The following CEP192 variants were observed in gnomAD, a reference collection of about 807,000 sequenced individuals.
The protein encoded by CEP192 is centrosomal protein of 192 kDa.
A neutral mutation model predicts 271.8 loss-of-function variants in CEP192; 151 were observed. The observed-to-expected ratio is 0.56, with a 90% confidence interval of 0.49 to 0.64. The LOEUF is 0.64. Ranked by LOEUF, CEP192 falls within the 30% of genes least tolerant of loss-of-function variation. The pLI is 0.00. For missense variants in CEP192, 2,910 were observed against 3,020.5 expected (o/e 0.96, Z 0.86); for synonymous variants, 995 against 1,076.5 (o/e 0.92, Z 1.48).
chr18:13,034,189 G>A (rs888394348), intron 11 of CEP192, among the ~76,000 whole-genome samples: 3 of 152,170 alleles, frequency 2.0e-5, no homozygotes, highest in Non-Finnish European at 4.4e-5. Context: ...CTTAGGGAAT[G>A]AATACTAGTC....
intron 9 of CEP192, among the ~76,000 whole-genome samples, chr18:13,021,302 A>G (rs944374346): frequency 6.6e-6 from 1 of 152,200 alleles, no homozygotes; most frequent in African/African-American, 2.4e-5. Context: ...AGTGTTAGGT[A>G]AGGGTCTAAC....
At position 13,073,120 on chromosome 18, in the gene CEP192, T is replaced by C; in HGVS notation, c.5551T>C (p.Cys1851Arg). The C allele has an allele frequency of 6.2e-7, 1 of 1,613,870 alleles. No individual in the cohort carries two copies. Among genetic ancestry groups the C allele is most frequent in the Non-Finnish European group, 8.5e-7 (1 of 1,179,918 alleles). The change falls in exon 30 of 45, where the codon TGC (cysteine) becomes CGC (arginine). Residue 1851 changes from cysteine to arginine, a missense_variant. Transcript: ENST00000506447. ...SVLFAPTRLS[C>R]MLARLEIKQL... Reference sequence around the variant, plus strand: ...ATTATTTGCACCTACTCGATTATCTTGCATGTTGGCTAGACTAGAAATCAA... The same window carrying C: ...ATTATTTGCACCTACTCGATTATCTCGCATGTTGGCTAGACTAGAAATCAA...
In CEP192 at chr18:13,059,259, G is replaced by A; in HGVS notation, c.4435G>A (p.Ala1479Thr). 1.2e-6 allele frequency: 2 copies of A among 1,614,196 alleles called. No individual in the cohort carries two copies. Among genetic ancestry groups the A allele is most frequent in the Admixed American group, 1.7e-5 (1 of 60,024 alleles). ...TDAETIVQAE[A>T]LASTVTLTAI... ...TGCTGAGACCATCGTACAGGCAGAA[G>A]CTTTGGCCAGCACCGTCACTCTCAC... The change falls in exon 21 of 45, where the codon GCT becomes ACT. Residue 1479 changes from alanine (A) to threonine (T), a missense_variant. By Grantham distance (58) the Ala-to-Thr change is moderately conservative. Coordinates refer to ENST00000506447, the MANE Select transcript of CEP192 (RefSeq NM_032142.4).
chr18:13,008,174 A>G lies in CEP192; in HGVS notation c.291-282A>G, dbSNP rs183992909. 4.6e-5 allele frequency among the ~76,000 whole-genome samples: 7 copies of G among 152,334 alleles called. No homozygotes were observed. The East Asian group carries it at 1.4e-3, about 29-fold the overall frequency. ...TAGATTGGTAGTTTCAAGGATACTT[A>G]TTTTGGAAGTAAAAAAACCACTTTT... On this transcript the variant is annotated intron_variant, in intron 3 of 44. Transcript: ENST00000506447.
intron 15 of CEP192, among the ~76,000 whole-genome samples, chr18:13,043,141 T>C (rs1038841932): frequency 6.6e-5 from 10 of 152,264 alleles, no homozygotes; most frequent in Non-Finnish European, 1.0e-4. Flanking sequence ...TGATTACTAA[T>C]AAAGCTGGTT....
chr18:13,077,381 A>T (rs893783250), intron 30 of CEP192, among the ~76,000 whole-genome samples: 6 of 152,230 alleles, frequency 3.9e-5, no homozygotes, highest in African/African-American at 1.4e-4. Context: ...AGGGATGTTC[A>T]GCCAGTATAA....
At chr18:13,014,747 A>G (rs1397227636) in intron 5 of CEP192, among the ~76,000 whole-genome samples, 1 of 152,168 alleles carries the variant, frequency 6.6e-6, no homozygotes, top group Non-Finnish European at 1.5e-5. Context: ...TGTCTTAAAA[A>G]TCAGTGCGCA....
Position 13,068,930 on chromosome 18 carries a change from G to A in CEP192, c.4901G>A (p.Arg1634Lys). ...VDSPNPTPVLRSVSLRARAGI... is the reference protein window; with the variant it reads ...VDSPNPTPVLKSVSLRARAGI... ...AGCCCAAACCCTACGCCCGTTCTTA[G>A]AAGTGTGAGTCTCCGAGCAAGAGCA... The change falls in exon 25 of 45, where the codon AGA becomes AAA. Residue 1634 changes from arginine (R) to lysine (K), a missense_variant. Arg to Lys is a conservative substitution (Grantham distance 26, BLOSUM62 2). Transcript: ENST00000506447. 6.2e-7 allele frequency: 1 copy of A among 1,614,172 alleles called. No individual in the cohort carries two copies. The highest frequency in any genetic ancestry group is 1.3e-5 in the African/African-American group (1 of 75,022).
At position 13,114,159 on chromosome 18, in the gene CEP192, C is replaced by T. The variant is rs143448747; in HGVS notation, c.7197C>T (p.Asn2399=). ...TCGAAGCAGAAAATGAGCCTGAAAA[C>T]GCATGCCTTTCCACGGATTCCCTCA... ...QSIEAENEPE[N]ACLSTDSLIK... is the part of the protein sequence containing the mutation. Residue 2399 remains asparagine, a synonymous_variant, in exon 42 of 45, where the codon AAC becomes AAT. Coordinates refer to ENST00000506447, the MANE Select transcript of CEP192 (RefSeq NM_032142.4). 250 of 1,613,868 alleles carry T rather than the reference C, an allele frequency of 1.5e-4. 1 individual carries two copies. The East Asian group carries it at 4.2e-3, about 27-fold the overall frequency.
At position 13,112,684 on chromosome 18, in the gene CEP192, T is replaced by C. The variant is rs576234116; in HGVS notation, c.7048-902T>C. 4.6e-5 allele frequency among the ~76,000 whole-genome samples: 7 copies of C among 152,350 alleles called. 1 individual carries two copies. Among genetic ancestry groups the C allele is most frequent in the Middle Eastern group, 6.8e-3 (2 of 294 alleles). On this transcript the variant is annotated intron_variant, in intron 40 of 44. Transcript: ENST00000506447. ...AGTGTCCAAGCCCCTGGTGGTGTAA[T>C]TCTCTAGTCAGATGCTCTCCTCTCC...
chr18:13,111,164 G>T (rs899216322), intron 40 of CEP192, among the ~76,000 whole-genome samples: 28 of 152,280 alleles, frequency 1.8e-4, no homozygotes, highest in African/African-American at 6.3e-4. Context: ...TTACTCTGTT[G>T]CCCAGGCTGG....
chr18:13,016,523 T>A (rs2034656114), intron 6 of CEP192, among the ~76,000 whole-genome samples: 1 of 152,186 alleles, frequency 6.6e-6, no homozygotes, highest in East Asian at 1.9e-4. Context: ...TTTTTGGATT[T>A]TGGAATAGTG....
rs1210162467 is a variant in CEP192 at position 13,019,121 on chromosome 18, A to G, written c.965A>G (p.Asp322Gly). The G allele has an allele frequency of 1.3e-6, 2 of 1,544,832 alleles. No individual in the cohort carries two copies. The highest frequency in any genetic ancestry group is 2.5e-5 in the East Asian group (1 of 40,570). Residue 322 changes from aspartate (D) to glycine (G), a missense_variant, in exon 9 of 45, where the codon GAT becomes GGT. By Grantham distance (94) the Asp-to-Gly change is moderately conservative. Coordinates refer to ENST00000506447, the MANE Select transcript of CEP192 (RefSeq NM_032142.4). Reference sequence around the variant, plus strand: ...ACTGGAGATAGTAGAAGGTACACAGATGGTATGTTACCATTTTCCTCTGGT... The same window carrying G: ...ACTGGAGATAGTAGAAGGTACACAGGTGGTATGTTACCATTTTCCTCTGGT... ...IGTGDSRRYT[D>G]GMLPFSSGTW... is the part of the protein sequence containing the mutation.
Position 13,070,853 on chromosome 18 carries a change from C to T in CEP192, c.5175-186C>T, listed in dbSNP as rs552241207. Among the ~76,000 whole-genome samples, 4 of 152,346 alleles carry T rather than the reference C, an allele frequency of 2.6e-5. No individual in the cohort carries two copies. The East Asian group carries it at 7.7e-4, about 29-fold the overall frequency. ...AAGCACGATGGCTTCTCACACCCCC[C>T]TGTGCAGATGCCATTGTGATCATCT... is the stretch of plus-strand genomic sequence containing the variant. On this transcript the variant is annotated intron_variant, in intron 27 of 44. Transcript: ENST00000506447.
chr18:13,032,995 G>A (rs2143619418), intron 11 of CEP192, among the ~76,000 whole-genome samples: 1 of 152,366 alleles, frequency 6.6e-6, no homozygotes, highest in African/African-American at 2.4e-5. Context: ...CAGGGCAGTG[G>A]CTACATGTGG....
At chr18:13,003,477 A>T (rs1463733249) in intron 3 of CEP192, among the ~76,000 whole-genome samples, 1 of 148,470 alleles carries the variant, frequency 6.7e-6, no homozygotes, top group Non-Finnish European at 1.5e-5. Flanking sequence ...AAAAAAGAAG[A>T]TATGAGCCAA....
At chr18:13,110,432 T>G (rs2040157088) in intron 40 of CEP192, among the ~76,000 whole-genome samples, 1 of 95,474 alleles carries the variant, frequency 1.0e-5, no homozygotes. Context: ...AATCAATTGA[T>G]TTTTTTTTTT....
chr18:13,057,550 A>G (rs1165778837), intron 19 of CEP192, 35 bp from the exon 20 acceptor site: 1 of 1,604,012 alleles, frequency 6.2e-7, no homozygotes, highest in Non-Finnish European at 8.5e-7. Flanking sequence ...GTTTGCTGTA[A>G]CTTGCATTTT....
In CEP192 at chr18:13,069,258, G is replaced by T. The variant is rs940168049; in HGVS notation, c.5055+77G>T. On this transcript the variant is annotated intron_variant, in intron 26 of 44. Coordinates refer to ENST00000506447, the MANE Select transcript of CEP192 (RefSeq NM_032142.4). ...AGCTCCTTGCTTTCTGCAGGCTGTT[G>T]TGCTCTTCCTGGCCCAACAGAGTGC... 5.6e-6 allele frequency: 7 copies of T among 1,258,234 alleles called. No individual in the cohort carries two copies. In the African/African-American group the frequency reaches 1.0e-4, roughly 18 times the overall value. The allele number at this position is 1,258,234 out of a possible 1,614,324, so 77.9% of individuals were successfully genotyped here. A position where few individuals can be genotyped will look rare whatever the true frequency, so the allele number is the denominator to read the frequency against.
Sources: allele counts gnomAD v4.1 joint callset (sites outside exome capture counted in the v4.1 genomes callset), GRCh38; gene constraint gnomAD v4.1.1; transcripts MANE v1.5; gene names NCBI Gene and HGNC (gene_info 2026-07-23, HGNC 2026-07-21).